Variants in NCKAP5 observed in about 807,000 individuals in gnomAD.
NCKAP5 encodes the protein nck-associated protein 5.
Under a neutral mutation model 167.0 loss-of-function variants are expected in NCKAP5, and 92 were observed. The observed-to-expected ratio is 0.55, with a 90% CI of 0.47 to 0.66. The LOEUF (loss-of-function observed/expected upper bound fraction) is 0.66, where lower values mean the gene tolerates loss of function less well. NCKAP5 is among the 30% of genes least tolerant of loss of function. The pLI, the probability that NCKAP5 is intolerant of heterozygous loss-of-function variation, is 0.00. For synonymous variants in NCKAP5, 891 were observed against 877.4 expected (o/e 1.02, Z -0.27); for missense variants, 2,378 against 2,315.0 (o/e 1.03, Z -0.56).
At chr2:133,546,509 A>G (rs1686690258) in intron 2 of NCKAP5, among the ~76,000 whole-genome samples, 1 of 152,150 alleles carries the variant, frequency 6.6e-6, no homozygotes. Flanking sequence ...TTCAAGGGAT[A>G]TCACGCGATG....
intron 2 of NCKAP5, among the ~76,000 whole-genome samples, chr2:133,531,515 T>C (rs541643557): frequency 6.6e-6 from 1 of 152,282 alleles, no homozygotes; most frequent in South Asian, 2.1e-4. Flanking sequence ...TATTTTTTTC[T>C]ACTGGATTTT....
At position 132,959,286 on chromosome 2, in the gene NCKAP5, C is replaced by G. The variant is rs74821100; in HGVS notation, c.579+4434G>C. On this transcript the variant is annotated intron_variant, in intron 8 of 19. Coordinates refer to ENST00000409261, the MANE Select transcript of NCKAP5 (RefSeq NM_207363.3). ...TAATTGAGTAGAAAAAGCTGTTATT[C>G]ACCTTAACACATTTAATTGCCATAT... 7.5e-3 allele frequency among the ~76,000 whole-genome samples: 1,133 copies of G among 152,030 alleles called. 12 individuals carry two copies. Among genetic ancestry groups the G allele is most frequent in the African/African-American group, 0.025 (1,027 of 41,456 alleles).
intron 3 of NCKAP5, among the ~76,000 whole-genome samples, chr2:133,362,265 G>A (rs1685164570): frequency 1.3e-5 from 2 of 152,178 alleles, no homozygotes; most frequent in African/African-American, 2.4e-5. Context: ...AGGAAAACAT[G>A]AAGCCCAAGA....
chr2:133,060,639 T>G (rs1187327161), intron 6 of NCKAP5, among the ~76,000 whole-genome samples: 2 of 152,154 alleles, frequency 1.3e-5, no homozygotes, highest in Non-Finnish European at 2.9e-5. Flanking sequence ...GTAGTAAAAT[T>G]GAATGGAGAT....
intron 4 of NCKAP5, among the ~76,000 whole-genome samples, chr2:133,275,781 A>C (rs2089700544): frequency 6.6e-6 from 1 of 151,956 alleles, no homozygotes; most frequent in Non-Finnish European, 1.5e-5. Flanking sequence ...AAATGTAGTA[A>C]CAAATTAACA....
intron 4 of NCKAP5, among the ~76,000 whole-genome samples, chr2:133,263,500 G>C (rs1021673383): frequency 1.3e-5 from 2 of 151,668 alleles, no homozygotes; most frequent in African/African-American, 4.8e-5. Flanking sequence ...AAACTTCTTT[G>C]AACAAAAGTT....
chr2:133,510,604 A>G (rs77748638), intron 3 of NCKAP5, among the ~76,000 whole-genome samples: 2,523 of 152,306 alleles, frequency 0.017, 42 homozygotes, highest in Middle Eastern at 0.051. Flanking sequence ...AGACTGTTCT[A>G]AACTGCAGGC....
chr2:133,129,520 A>G (rs1325256379), intron 6 of NCKAP5, among the ~76,000 whole-genome samples: 5 of 152,178 alleles, frequency 3.3e-5, no homozygotes, highest in African/African-American at 1.2e-4. Flanking sequence ...GTTGGTTCCA[A>G]GTCTTTGCTA....
chr2:133,297,930 T>C (rs536298468), intron 4 of NCKAP5, among the ~76,000 whole-genome samples: 14 of 152,312 alleles, frequency 9.2e-5, no homozygotes, highest in Non-Finnish European at 1.2e-4. Context: ...GGAGCATTTG[T>C]TTAACTTCAG....
At chr2:133,005,172 G>A (rs916445060) in intron 6 of NCKAP5, among the ~76,000 whole-genome samples, 4 of 152,186 alleles carry the variant, frequency 2.6e-5, no homozygotes, top group African/African-American at 4.8e-5. Flanking sequence ...ATGGGATTAA[G>A]AGATTAAAGA....
At chr2:132,747,090 T>C (rs956939984) in intron 16 of NCKAP5, among the ~76,000 whole-genome samples, 12 of 151,448 alleles carry the variant, frequency 7.9e-5, no homozygotes, top group African/African-American at 2.9e-4. Context: ...TACTGAACTA[T>C]ACACTTCAAA....
chr2:132,677,223 CAACTACACTTGGGAAT>C (rs1317291270), intron 19 of NCKAP5, among the ~76,000 whole-genome samples: 5 of 151,562 alleles, frequency 3.3e-5, no homozygotes, highest in African/African-American at 1.2e-4. Flanking sequence ...ATTTTTTTTT[CAACTACACTTGGGAAT>C]AAAAGTAGGG....
the NCKAP5 span, among the ~76,000 whole-genome samples, chr2:133,585,846 T>C: frequency 1.9e-4 from 29 of 152,358 alleles, no homozygotes; most frequent in African/African-American, 6.7e-4. Flanking sequence ...CCTCAAAGTC[T>C]GTGCTCTTAT....
intron 8 of NCKAP5, among the ~76,000 whole-genome samples, chr2:132,934,155 C>G (rs1459804251): frequency 6.6e-6 from 1 of 152,204 alleles, no homozygotes; most frequent in African/African-American, 2.4e-5. Flanking sequence ...AGTCAGAAAT[C>G]TTGCCCTGAG....
chr2:133,194,077 C>G (rs912795506), intron 5 of NCKAP5, among the ~76,000 whole-genome samples: 4 of 152,086 alleles, frequency 2.6e-5, no homozygotes, highest in Non-Finnish European at 2.9e-5. Flanking sequence ...TACATATACA[C>G]CCGCATATAT....
chr2:133,088,943 A>G (rs889328468), intron 6 of NCKAP5, among the ~76,000 whole-genome samples: 2 of 152,234 alleles, frequency 1.3e-5, no homozygotes, highest in East Asian at 3.9e-4. Context: ...ACACTAAAAT[A>G]AAAACTAATA....
chr2:133,064,687 G>A (rs147838168), intron 6 of NCKAP5, among the ~76,000 whole-genome samples: 38 of 152,296 alleles, frequency 2.5e-4, no homozygotes, highest in Middle Eastern at 3.4e-3. Flanking sequence ...TCTGGGTGGG[G>A]ATACGCTTGG....
At chr2:133,095,386 T>C (rs1238677711) in intron 6 of NCKAP5, among the ~76,000 whole-genome samples, 5 of 152,184 alleles carry the variant, frequency 3.3e-5, no homozygotes, top group Non-Finnish European at 7.3e-5. Flanking sequence ...CTCTTAGAAT[T>C]TGGGTCAGGC....
At chr2:132,895,859 G>A (rs1693157978) in intron 8 of NCKAP5, among the ~76,000 whole-genome samples, 1 of 151,432 alleles carries the variant, frequency 6.6e-6, no homozygotes, top group South Asian at 2.1e-4. Context: ...AGTAGGCCAG[G>A]CGCAGTGGCC....
Sources: gnomAD v4.1 joint callset for allele counts (sites outside exome capture counted in the v4.1 genomes callset) on GRCh38, gnomAD v4.1.1 for gene constraint, MANE v1.5 for transcripts, NCBI Gene and HGNC (gene_info 2026-07-23, HGNC 2026-07-21) for gene names.